Variants in APBB1 observed in about 807,000 individuals in gnomAD.
APBB1 encodes adaptor protein FE65a2.
A neutral mutation model predicts 78.4 loss-of-function variants in APBB1; 22 were observed. The observed-to-expected ratio is 0.28, with a 90% CI of 0.20 to 0.40. The LOEUF (loss-of-function observed/expected upper bound fraction) is 0.40. Ranked by LOEUF, APBB1 falls within the 10% of genes least tolerant of loss-of-function variation. The probability of loss-of-function intolerance (pLI) is 1.00; values close to 1 mark genes in which losing one functional copy is unlikely to be tolerated. For missense variants in APBB1, 749 were observed against 932.4 expected (o/e 0.80, Z 2.56); for synonymous variants, 369 against 372.7 (o/e 0.99, Z 0.12).
Position 6,403,581 on chromosome 11 carries a change from AT to A in APBB1, c.898-38del. 1 of 1,613,740 alleles carries A rather than the reference AT, an allele frequency of 6.2e-7. No individual in the cohort carries two copies. The highest frequency in any genetic ancestry group is 8.5e-7 in the Non-Finnish European group (1 of 1,179,688). On this transcript the variant is annotated intron_variant, in intron 3 of 14. Transcript: ENST00000609360. The surrounding 1 kb of genome is among the most constrained non-coding windows in gnomAD (Gnocchi z 5.3). ...GATGGGAGTAGTGAGTGAGTGTCCTATCCTACTCCAGCAGCACACACTCCCT... is the reference window on the plus strand; with the variant it reads ...GATGGGAGTAGTGAGTGAGTGTCCTACCTACTCCAGCAGCACACACTCCCT...
rs377574256 is a variant in APBB1, at chr11:6,403,346, G to A, written c.1013C>T (p.Thr338Met). The change falls in exon 5 of 15, where the codon ACG (threonine) becomes ATG (methionine). Residue 338 changes from threonine to methionine, a missense_variant. Thr to Met is a moderately conservative substitution (Grantham distance 81, BLOSUM62 -1). Coordinates refer to ENST00000609360, the MANE Select transcript of APBB1 (RefSeq NM_001164.5). This position sits in a 1 kb window ranked among gnomAD's most constrained non-coding sequence, Gnocchi z 5.3. Reference protein sequence around the residue: ...ELGLKEPEEGTLTFPAQSLSP... With the variant: ...ELGLKEPEEGMLTFPAQSLSP... ...GAGGCTCTGAGCTGGGAAGGTCAAC[G>A]TCCCCTCCTCAGGTTCCTTCAGTCC... The A allele has an allele frequency of 2.8e-5, 45 of 1,613,978 alleles. No individual in the cohort carries two copies. The highest frequency in any genetic ancestry group is 5.3e-5 in the African/African-American group (4 of 74,900).
At chr11:6,405,191 T>C (rs1051692298) in intron 2 of APBB1, 4 of 1,114,024 alleles carry the variant, frequency 3.6e-6, no homozygotes, top group Non-Finnish European at 4.4e-6. Flanking sequence ...CCCTAAGGAA[T>C]ACCCCAGCTG....
chr11:6,395,995 C>A lies in APBB1; in HGVS notation c.1789-33G>T. The A allele has an allele frequency of 6.2e-7, 1 of 1,608,916 alleles. No individual in the cohort carries two copies. The highest frequency in any genetic ancestry group is 1.1e-5 in the South Asian group (1 of 90,434). On this transcript the variant is annotated intron_variant, in intron 13 of 14. Transcript: ENST00000609360. The surrounding 1 kb of genome is among the most constrained non-coding windows in gnomAD (Gnocchi z 5.2). Reference sequence around the variant, plus strand: ...GAGGGAACTCAGTTAAAAAGGAACACCAACCCCACACTGTGTTCCACATCC... The same window carrying A: ...GAGGGAACTCAGTTAAAAAGGAACAACAACCCCACACTGTGTTCCACATCC...
In APBB1 at chr11:6,411,406, A is replaced by G. The variant is rs1848962608; in HGVS notation, c.-14-45T>C. 6 of 1,485,862 alleles carry G rather than the reference A, an allele frequency of 4.0e-6. No individual in the cohort carries two copies. The South Asian group carries it at 6.7e-5, about 17-fold the overall frequency. 92.0% of individuals were successfully genotyped at this position (1,485,862 alleles called of 1,614,324 possible). On this transcript the variant is annotated intron_variant, in intron 1 of 14. Coordinates refer to ENST00000609360, the MANE Select transcript of APBB1 (RefSeq NM_001164.5). The surrounding 1 kb of genome is among the most constrained non-coding windows in gnomAD (Gnocchi z 5.2). ...GATGCTGTTGAGCCTCTGGTCCAGA[A>G]CAGCAGCATCACTGCTTCTGCCCCA...
intron 2 of APBB1, among the ~76,000 whole-genome samples, chr11:6,408,633 T>C (rs1848882537): frequency 6.6e-6 from 1 of 151,952 alleles, no homozygotes; most frequent in South Asian, 2.1e-4. Flanking sequence ...ACCTCCCGAG[T>C]AGCTGGGATT....
intron 1 of APBB1, among the ~76,000 whole-genome samples, chr11:6,412,696 G>A (rs753846476): frequency 1.3e-5 from 2 of 152,168 alleles, no homozygotes; most frequent in Non-Finnish European, 2.9e-5. Flanking sequence ...TATGCCTAGT[G>A]CCTAGCGTAG....
intron 2 of APBB1, among the ~76,000 whole-genome samples, chr11:6,409,912 C>T (rs1459097574): frequency 6.6e-6 from 1 of 152,180 alleles, no homozygotes; most frequent in African/African-American, 2.4e-5. Flanking sequence ...TAGTCAATAT[C>T]CTACTCCTGA....
At chr11:6,405,100 T>G in intron 2 of APBB1, 1 of 1,349,382 alleles carries the variant, frequency 7.4e-7, no homozygotes, top group Non-Finnish European at 9.5e-7. Context: ...CCTCCCCCAA[T>G]CCTGAATCTC....
intron 12 of APBB1, among the ~76,000 whole-genome samples, chr11:6,397,961 C>T (rs188492456): frequency 1.5e-3 from 226 of 152,270 alleles, no homozygotes; most frequent in Non-Finnish European, 2.5e-3. Context: ...ATGTTTATGA[C>T]ATTTAGGCCA....
chr11:6,418,912 C>CT (rs1430807603), intron 1 of APBB1, 73 bp downstream of exon 1: 2 of 374,682 alleles, frequency 5.3e-6, no homozygotes, highest in Non-Finnish European at 9.5e-6. Context: ...AGGGTAGGGG[C>CT]TACAGGGTCC....
chr11:6,395,872 C>T lies in APBB1; in HGVS notation c.1879G>A (p.Ala627Thr), dbSNP rs1564930521. The T allele has an allele frequency of 6.2e-7, 1 of 1,614,100 alleles. No individual in the cohort carries two copies. Residue 627 changes from alanine to threonine, a missense_variant, in exon 14 of 15, where the codon GCC becomes ACC. Around this residue, in one of 3 missense-constraint regions of APBB1, gnomAD observed 96 missense variants for 116.0 expected, o/e 0.83. Coordinates refer to ENST00000609360, the MANE Select transcript of APBB1 (RefSeq NM_001164.5). The surrounding 1 kb of genome is among the most constrained non-coding windows in gnomAD (Gnocchi z 5.2). ...DVHTFAFIMA[A>T]GPASFCCHMF... ...TGGCAGCAGAAGGAGGCTGGGCCGG[C>T]AGCCATGATGAATGCAAACGTGTGG... is the stretch of plus-strand genomic sequence containing the variant.
intron 12 of APBB1, among the ~76,000 whole-genome samples, chr11:6,400,382 A>C (rs1848440597): frequency 6.6e-6 from 1 of 152,106 alleles, no homozygotes; most frequent in Non-Finnish European, 1.5e-5. Context: ...TCTCCACTAA[A>C]CATACAAAAA....
In APBB1 at chr11:6,410,785, G is replaced by A. The variant is rs765930100; in HGVS notation, c.563C>T (p.Ala188Val). The change falls in exon 2 of 15, where the codon GCC (alanine) becomes GTC (valine). Residue 188 changes from alanine (A) to valine (V), a missense_variant. This residue lies in a region of APBB1 where 635 missense variants were observed against 765.0 expected (regional missense o/e 0.83). Transcript: ENST00000609360. ...GLPEPLESVE[A>V]PPRPQALTDG... ...TGTAAGGGCTTGGGGCCTGGGAGGG[G>A]CCTCCACACTCTCCAGGGGCTCAGG... 3 of 1,607,722 alleles carry A rather than the reference G, an allele frequency of 1.9e-6. No individual in the cohort carries two copies. The highest frequency in any genetic ancestry group is 4.5e-5 in the East Asian group (2 of 44,766).
At chr11:6,413,439 C>A (rs367919476) in intron 1 of APBB1, among the ~76,000 whole-genome samples, 2 of 152,182 alleles carry the variant, frequency 1.3e-5, no homozygotes, top group East Asian at 1.9e-4. Context: ...CCACTACCCC[C>A]CTTCCCTCTG....
chr11:6,408,900 A>G (rs1848889289), intron 2 of APBB1, among the ~76,000 whole-genome samples: 1 of 152,164 alleles, frequency 6.6e-6, no homozygotes, highest in South Asian at 2.1e-4. Flanking sequence ...TAGCCTTTCA[A>G]AATGCTGGGA....
chr11:6,398,867 C>A (rs1381179818), intron 12 of APBB1, among the ~76,000 whole-genome samples: 1 of 152,206 alleles, frequency 6.6e-6, no homozygotes, highest in African/African-American at 2.4e-5. Context: ...AGGGAAAGTG[C>A]AGAGAATTAA....
At chr11:6,407,646 A>G (rs1848846785) in intron 2 of APBB1, among the ~76,000 whole-genome samples, 1 of 152,164 alleles carries the variant, frequency 6.6e-6, no homozygotes. Context: ...CCTCACCCCA[A>G]TCCCAAAAAT....
chr11:6,412,292 A>G (rs1365045463), intron 1 of APBB1, among the ~76,000 whole-genome samples: 7 of 152,184 alleles, frequency 4.6e-5, no homozygotes, highest in Non-Finnish European at 7.3e-5. Context: ...AGCTGTGATT[A>G]CAGGTGCCCA....
At position 6,410,634 on chromosome 11, in the gene APBB1, C is replaced by A. The variant is rs899676987; in HGVS notation, c.714G>T (p.Glu238Asp). 1.6e-5 allele frequency: 24 copies of A among 1,516,696 alleles called. No individual in the cohort carries two copies. Among genetic ancestry groups the A allele is most frequent in the Non-Finnish European group, 2.1e-5 (24 of 1,133,732 alleles). 94.0% of individuals were successfully genotyped at this position (1,516,696 alleles called of 1,614,324 possible). ...TCAAGCTCCACAAGGTACCTGTGTCCTCTGGGGAGCCATAGGAGGGGCTGC... is the reference window on the plus strand; with the variant it reads ...TCAAGCTCCACAAGGTACCTGTGTCATCTGGGGAGCCATAGGAGGGGCTGC... ...SQGSPSYGSP[E>D]DTDSFWNPNA... The change falls in exon 2 of 15, where the codon GAG becomes GAT. Residue 238 changes from glutamate (E) to aspartate (D), a missense_variant. Around this residue, in one of 3 missense-constraint regions of APBB1, gnomAD observed 635 missense variants for 765.0 expected, o/e 0.83. Coordinates refer to ENST00000609360, the MANE Select transcript of APBB1 (RefSeq NM_001164.5).
Sources: allele counts gnomAD v4.1 joint callset (sites outside exome capture counted in the v4.1 genomes callset), GRCh38; gene constraint gnomAD v4.1.1; regional missense constraint gnomAD v4.1.1; non-coding constraint Gnocchi (gnomAD v3.1); transcripts MANE v1.5; gene names NCBI Gene and HGNC (gene_info 2026-07-23, HGNC 2026-07-21).